The following GRIK1 variants were observed in gnomAD, a reference collection of about 807,000 sequenced individuals.
GRIK1 encodes glutamate receptor ionotropic, kainate 1.
A neutral mutation model predicts 105.7 loss-of-function variants in GRIK1; 69 were observed. The observed-to-expected ratio is 0.65, with a 90% CI of 0.54 to 0.80. The LOEUF (loss-of-function observed/expected upper bound fraction) is 0.80. GRIK1 is among the 30% of genes least tolerant of loss of function. GRIK1 has a pLI of 0.00. For missense variants in GRIK1, 1,109 were observed against 1,167.3 expected, an observed-to-expected ratio of 0.95 and a Z score of 0.73; for synonymous variants, 438 against 431.3, an observed-to-expected ratio of 1.02 and a Z score of -0.19.
At chr21:29,915,506 C>CAT (rs1053178732) in intron 1 of GRIK1, among the ~76,000 whole-genome samples, 6 of 152,040 alleles carry the variant, frequency 3.9e-5, no homozygotes, top group African/African-American at 1.4e-4. Context: ...AGTCTAGTTT[C>CAT]AAACACTAAC....
At chr21:29,671,942 G>T (rs1474397329) in intron 4 of GRIK1, among the ~76,000 whole-genome samples, 2 of 151,878 alleles carry the variant, frequency 1.3e-5, no homozygotes, top group African/African-American at 4.8e-5. Context: ...AGAGTGCCCT[G>T]TTCCAAATAT....
chr21:29,561,721 C>T lies in GRIK1; in HGVS notation c.2259G>A (p.Glu753=). 1.2e-6 allele frequency: 2 copies of T among 1,612,346 alleles called. No homozygotes were observed. Among genetic ancestry groups the T allele is most frequent in the African/African-American group, 1.3e-5 (1 of 74,998 alleles). The change falls in exon 15 of 18, where the codon GAG becomes GAA. Residue 753 remains glutamate, a synonymous_variant. Coordinates refer to ENST00000327783, the MANE Select transcript of GRIK1 (RefSeq NM_001330994.2). ...GCGTCACATACTCAATGCTGGTGGA[C>T]TCCATCAGCAGCGCGTAGTCTGTGG... ...VLTTDYALLM[E]STSIEYVTQR...
intron 16 of GRIK1, among the ~76,000 whole-genome samples, chr21:29,542,219 G>A (rs1291247160): frequency 6.6e-6 from 1 of 152,016 alleles, no homozygotes. Flanking sequence ...CCATGCTTGT[G>A]GTGTGTCCCT....
chr21:29,897,064 A>G (rs2070194945), intron 1 of GRIK1, among the ~76,000 whole-genome samples: 1 of 152,230 alleles, frequency 6.6e-6, no homozygotes, highest in Non-Finnish European at 1.5e-5. Flanking sequence ...CAATCAGATT[A>G]CACAATACTT....
chr21:29,914,367 G>A (rs1191621974), intron 1 of GRIK1, among the ~76,000 whole-genome samples: 1 of 152,028 alleles, frequency 6.6e-6, no homozygotes, highest in Non-Finnish European at 1.5e-5. Flanking sequence ...TGGGACTTCC[G>A]AGAAAGCTCC....
rs140699817 is a variant in GRIK1 at position 29,815,519 on chromosome 21, T to C, written c.119-121456A>G. 3.5e-3 allele frequency among the ~76,000 whole-genome samples: 538 copies of C among 152,244 alleles called. 3 individuals are homozygous for C. The highest frequency in any genetic ancestry group is 0.012 in the African/African-American group (492 of 41,558). Reference sequence around the variant, plus strand: ...GTGGGGTGAATTAGTCTAATAACATTATTCGCTATTCTGCCTGCAGCATCA... The same window carrying C: ...GTGGGGTGAATTAGTCTAATAACATCATTCGCTATTCTGCCTGCAGCATCA... On this transcript the variant is annotated intron_variant, in intron 1 of 17. Coordinates refer to ENST00000327783, the MANE Select transcript of GRIK1 (RefSeq NM_001330994.2).
chr21:29,676,609 C>A (rs961072191), intron 3 of GRIK1, among the ~76,000 whole-genome samples: 5 of 152,008 alleles, frequency 3.3e-5, no homozygotes, highest in Non-Finnish European at 7.4e-5. Flanking sequence ...ATGGAGTGAC[C>A]CAACCCTGCC....
intron 1 of GRIK1, among the ~76,000 whole-genome samples, chr21:29,719,596 A>T (rs1457775495): frequency 6.6e-6 from 1 of 151,180 alleles, no homozygotes; most frequent in African/African-American, 2.5e-5. Context: ...GCTCACAGAG[A>T]TGATTTTTTT....
At chr21:29,784,171 G>T (rs973351150) in intron 1 of GRIK1, among the ~76,000 whole-genome samples, 22 of 152,276 alleles carry the variant, frequency 1.4e-4, no homozygotes, top group African/African-American at 5.1e-4. Flanking sequence ...CAATATAAAA[G>T]AAGCTTTTTC....
intron 1 of GRIK1, among the ~76,000 whole-genome samples, chr21:29,784,489 T>C (rs917782245): frequency 6.6e-6 from 1 of 152,204 alleles, no homozygotes; most frequent in Non-Finnish European, 1.5e-5. Flanking sequence ...TTTGGGGTAG[T>C]ATTTAATCTT....
At chr21:29,537,510 C>G in intron 17 of GRIK1, 125 bp from the exon 18 acceptor site, 1 of 766,828 alleles carries the variant, frequency 1.3e-6, no homozygotes, top group Non-Finnish European at 2.1e-6. Flanking sequence ...TCACAATTGG[C>G]CAGTTCCCAT....
intron 7 of GRIK1, among the ~76,000 whole-genome samples, chr21:29,606,962 C>T (rs1405588269): frequency 6.6e-6 from 1 of 152,160 alleles, no homozygotes; most frequent in African/African-American, 2.4e-5. Flanking sequence ...ACTTTCACTG[C>T]CTACTGAGAA....
rs559653574 is a variant in GRIK1, at chr21:29,694,697, T to C, written c.119-634A>G. On this transcript the variant is annotated intron_variant, in intron 1 of 17. Transcript: ENST00000327783. ...CGATTTTCTGTGATGTGGACAAGAA[T>C]TGCACCATGCTCGATCTAAACATAA... Among the ~76,000 whole-genome samples, 13 of 152,286 alleles carry C rather than the reference T, an allele frequency of 8.5e-5. 1 individual carries two copies. Among genetic ancestry groups the C allele is most frequent in the African/African-American group, 2.6e-4 (11 of 41,552 alleles).
At chr21:29,856,862 T>A (rs2068480110) in intron 1 of GRIK1, among the ~76,000 whole-genome samples, 1 of 152,088 alleles carries the variant, frequency 6.6e-6, no homozygotes, top group Non-Finnish European at 1.5e-5. Context: ...GAGCAGTATT[T>A]TAGGCACCAC....
chr21:29,698,596 T>C (rs1391500188), intron 1 of GRIK1, among the ~76,000 whole-genome samples: 1 of 151,466 alleles, frequency 6.6e-6, no homozygotes, highest in Non-Finnish European at 1.5e-5. Context: ...GAAGTATTGT[T>C]AAACTATTTT....
chr21:29,799,992 C>T (rs1382218689), intron 1 of GRIK1, among the ~76,000 whole-genome samples: 1 of 152,206 alleles, frequency 6.6e-6, no homozygotes, highest in Admixed American at 6.5e-5. Flanking sequence ...TCATAAGAGG[C>T]TTCTCCGAAC....
At chr21:29,740,784 T>G (rs1030593156) in intron 1 of GRIK1, among the ~76,000 whole-genome samples, 1 of 152,220 alleles carries the variant, frequency 6.6e-6, no homozygotes, top group Admixed American at 6.5e-5. Context: ...ATGGGAACCA[T>G]GGTTACCAAT....
intron 16 of GRIK1, among the ~76,000 whole-genome samples, chr21:29,546,733 C>T (rs1413184194): frequency 6.6e-6 from 1 of 152,214 alleles, no homozygotes; most frequent in Non-Finnish European, 1.5e-5. Context: ...TAACAACTTA[C>T]ATATTCAATG....
At chr21:29,754,775 A>T (rs1409157517) in intron 1 of GRIK1, among the ~76,000 whole-genome samples, 1 of 152,170 alleles carries the variant, frequency 6.6e-6, no homozygotes, top group African/African-American at 2.4e-5. Flanking sequence ...AGTTGAAAGG[A>T]TGTAAAGGTA....
Sources: allele counts gnomAD v4.1 joint callset (sites outside exome capture counted in the v4.1 genomes callset), GRCh38; gene constraint gnomAD v4.1.1; transcripts MANE v1.5; gene names NCBI Gene and HGNC (gene_info 2026-07-23, HGNC 2026-07-21).